PPFIA2: variants seen among roughly 807,000 people sequenced by gnomAD.
The protein encoded by PPFIA2 is PPFI scaffold protein A2.
Under a neutral mutation model 175.5 loss-of-function variants are expected in PPFIA2, and 46 were observed. That is an observed-to-expected ratio of 0.26 (90% CI 0.21 to 0.34). The LOEUF (loss-of-function observed/expected upper bound fraction) is 0.34. PPFIA2 is among the 10% of genes least tolerant of loss of function. PPFIA2 has a pLI of 1.00. For synonymous variants in PPFIA2, 568 were observed against 511.4 expected, an observed-to-expected ratio of 1.11 and a Z score of -1.49; for missense variants, 1,179 against 1,506.1, an observed-to-expected ratio of 0.78 and a Z score of 3.60.
At chr12:81,574,586 G>C (rs996285015) in intron 4 of PPFIA2, among the ~76,000 whole-genome samples, 1 of 151,490 alleles carries the variant, frequency 6.6e-6, no homozygotes, top group Non-Finnish European at 1.5e-5. Context: ...AACCTACTAA[G>C]TACCTTTTTA....
chr12:81,533,737 AT>A (rs2064975520), intron 4 of PPFIA2, among the ~76,000 whole-genome samples: 1 of 68,650 alleles, frequency 1.5e-5, no homozygotes, highest in African/African-American at 8.0e-5. Context: ...CTATCTATCT[AT>A]ATATCTATCT....
At chr12:81,719,908 C>T (rs1237661933) in intron 3 of PPFIA2, among the ~76,000 whole-genome samples, 1 of 151,180 alleles carries the variant, frequency 6.6e-6, no homozygotes, top group Non-Finnish European at 1.5e-5. Flanking sequence ...TGTAAGGGAA[C>T]ATTTATTCCA....
chr12:81,506,090 T>C (rs1210099769), intron 4 of PPFIA2: 1 of 152,224 alleles, frequency 6.6e-6, no homozygotes, highest in Non-Finnish European at 1.5e-5. Flanking sequence ...GCAGCTGCTG[T>C]ATCATGAAAA....
chr12:81,502,903 C>A (rs889235971), intron 4 of PPFIA2, among the ~76,000 whole-genome samples: 1 of 152,086 alleles, frequency 6.6e-6, no homozygotes, highest in Non-Finnish European at 1.5e-5. Context: ...TTGTACCACT[C>A]CACTGCTTCC....
rs1199755322 is a variant in PPFIA2 at position 81,642,693 on chromosome 12, C to T, written c.303+34098G>A. On this transcript the variant is annotated intron_variant, in intron 4 of 32. Coordinates refer to ENST00000549396, the MANE Select transcript of PPFIA2 (RefSeq NM_003625.5). ...CATACATGTATGTATCTATTATATA[C>T]ATACATGTATATGTATGTATGTATT... 3.1e-5 allele frequency among the ~76,000 whole-genome samples: 3 copies of T among 97,246 alleles called. 1 individual carries two copies. Among genetic ancestry groups the T allele is most frequent in the African/African-American group, 1.1e-4 (3 of 27,084 alleles). 63.8% of individuals were successfully genotyped at this position (97,246 alleles called of 152,430 possible).
intron 4 of PPFIA2, among the ~76,000 whole-genome samples, chr12:81,492,487 A>G (rs2059527799): frequency 6.6e-6 from 1 of 152,078 alleles, no homozygotes; most frequent in African/African-American, 2.4e-5. Context: ...AGAGTAAAAT[A>G]AAACGGGGAG....
chr12:81,594,084 A>T (rs1412281359), intron 4 of PPFIA2, among the ~76,000 whole-genome samples: 1 of 151,966 alleles, frequency 6.6e-6, no homozygotes, highest in South Asian at 2.1e-4. Context: ...CTTGTGAGGG[A>T]TCTATGTTGC....
intron 4 of PPFIA2, chr12:81,535,371 T>G (rs1395111750): frequency 4.4e-6 from 2 of 455,050 alleles, no homozygotes; most frequent in Middle Eastern, 3.3e-4. Flanking sequence ...AGATCTATAG[T>G]CACCAGCACT....
intron 7 of PPFIA2, among the ~76,000 whole-genome samples, chr12:81,420,645 G>A (rs1317746936): frequency 6.6e-6 from 1 of 151,836 alleles, no homozygotes; most frequent in African/African-American, 2.4e-5. Flanking sequence ...ATGAAAAAAA[G>A]GGAAGAAAGC....
chr12:81,561,828 TA>T (rs1388008799), intron 4 of PPFIA2, among the ~76,000 whole-genome samples: 1 of 152,114 alleles, frequency 6.6e-6, no homozygotes, highest in Non-Finnish European at 1.5e-5. Context: ...CATATGTTCT[TA>T]AAAAAATTAA....
chr12:81,746,153 A>T (rs1184828805), intron 3 of PPFIA2, among the ~76,000 whole-genome samples: 1 of 144,628 alleles, frequency 6.9e-6, no homozygotes, highest in Non-Finnish European at 1.6e-5. Flanking sequence ...CTGGGTGCTT[A>T]AATAAAATAC....
At chr12:81,458,710 A>G (rs1017023960) in intron 4 of PPFIA2, among the ~76,000 whole-genome samples, 1 of 152,180 alleles carries the variant, frequency 6.6e-6, no homozygotes, top group Non-Finnish European at 1.5e-5. Context: ...TTGTTAACAC[A>G]CAGAAAAGGT....
intron 4 of PPFIA2, chr12:81,471,107 CTTTATTTA>C (rs71098146): frequency 0.33 from 46,367 of 140,288 alleles, 7,888 homozygotes; most frequent in Middle Eastern, 0.35. Context: ...TTTGTCTTTC[CTTTATTTA>C]TTTATTTATT....
chr12:81,597,258 T>C (rs1414879910), intron 4 of PPFIA2, among the ~76,000 whole-genome samples: 1 of 152,106 alleles, frequency 6.6e-6, no homozygotes, highest in African/African-American at 2.4e-5. Flanking sequence ...AGTTTAGACT[T>C]AGCCATTTTC....
intron 3 of PPFIA2, among the ~76,000 whole-genome samples, chr12:81,690,575 T>C (rs1408233962): frequency 6.6e-6 from 1 of 152,072 alleles, no homozygotes; most frequent in African/African-American, 2.4e-5. Context: ...CATCTTAAAG[T>C]GCTTGACCTA....
intron 4 of PPFIA2, among the ~76,000 whole-genome samples, chr12:81,506,874 G>A (rs1003232508): frequency 2.0e-5 from 3 of 152,180 alleles, no homozygotes; most frequent in Non-Finnish European, 2.9e-5. Context: ...CTGTGTTCCA[G>A]TAAAACTTTA....
chr12:81,753,832 T>C (rs373052288), intron 3 of PPFIA2, 141 bp downstream of exon 3: 2 of 1,052,932 alleles, frequency 1.9e-6, no homozygotes, highest in Non-Finnish European at 2.7e-6. Flanking sequence ...AGTGAACTAA[T>C]CATCTATTCC....
intron 21 of PPFIA2, among the ~76,000 whole-genome samples, chr12:81,326,485 T>A (rs1207433643): frequency 6.6e-6 from 1 of 152,126 alleles, no homozygotes; most frequent in Non-Finnish European, 1.5e-5. Context: ...TTGTGTTGTT[T>A]TTTAAACTTC....
intron 3 of PPFIA2, among the ~76,000 whole-genome samples, chr12:81,701,622 T>C (rs547113354): frequency 2.0e-4 from 31 of 152,202 alleles, no homozygotes; most frequent in African/African-American, 7.5e-4. Flanking sequence ...AAATTATAAC[T>C]GACTAAATGG....
Sources: allele counts gnomAD v4.1 joint callset (sites outside exome capture counted in the v4.1 genomes callset), GRCh38; gene constraint gnomAD v4.1.1; transcripts MANE v1.5; gene names NCBI Gene and HGNC (gene_info 2026-07-23, HGNC 2026-07-21).